The following EXPH5 variants were observed in gnomAD, a reference collection of about 807,000 sequenced individuals.
EXPH5 encodes the protein exophilin 5, also known as exophilin-5.
In EXPH5, 42 loss-of-function variants were observed where a neutral mutation model predicts 41.1. The observed-to-expected ratio is 1.02, with a 90% confidence interval of 0.80 to 1.32. The LOEUF is 1.32. Among genes scored for constraint, EXPH5 ranks in the 40% most tolerant of loss-of-function variants. EXPH5 has a pLI of 0.00. For synonymous variants in EXPH5, 798 were observed against 833.5 expected, an observed-to-expected ratio of 0.96 and a Z score of 0.73; for missense variants, 2,298 against 2,314.5, an observed-to-expected ratio of 0.99 and a Z score of 0.15.
At chr11:108,573,614 G>C (rs566885952) in intron 1 of EXPH5, among the ~76,000 whole-genome samples, 1 of 152,252 alleles carries the variant, frequency 6.6e-6, no homozygotes, top group East Asian at 1.9e-4. Flanking sequence ...GAATTATCAA[G>C]GGCCTCAGAA....
At chr11:108,540,093 G>A (rs998167105) in intron 2 of EXPH5, among the ~76,000 whole-genome samples, 77 of 152,162 alleles carry the variant, frequency 5.1e-4, no homozygotes, top group African/African-American at 1.4e-3. Context: ...TGAGGTGGGC[G>A]GTGCATCACC....
chr11:108,509,374 AGTGTCTATATAGG>A lies in EXPH5; in HGVS notation c.*150_*162del, dbSNP rs144338907. Reference sequence around the variant, plus strand: ...GAATTCATTGTTCTAGCATTCAGGAAGTGTCTATATAGGGTGTGGAGGAAAAAAAAGGAGATGT... The same window carrying A: ...GAATTCATTGTTCTAGCATTCAGGAAGTGTGGAGGAAAAAAAAGGAGATGT... On this transcript the variant is annotated 3_prime_UTR_variant, in exon 6 of 6. Coordinates refer to ENST00000265843, the MANE Select transcript of EXPH5 (RefSeq NM_015065.3). 2.2e-3 allele frequency: 1,099 copies of A among 501,128 alleles called. 7 individuals carry two copies. The highest frequency in any genetic ancestry group is 0.019 in the African/African-American group (994 of 51,114). 31.0% of individuals were successfully genotyped at this position (501,128 alleles called of 1,614,324 possible). A position where few individuals can be genotyped will look rare whatever the true frequency, so the allele number is the denominator to read the frequency against.
rs1251691176 is a variant in EXPH5, at chr11:108,508,561, AT to A, written c.*975del. The A allele has an allele frequency of 2.0e-5, 3 of 152,446 alleles. No individual in the cohort carries two copies. The highest frequency in any genetic ancestry group is 4.4e-5 in the Non-Finnish European group (3 of 68,240). 9.4% of individuals were successfully genotyped at this position (152,446 alleles called of 1,614,324 possible). ...AAAAAACAAAAACAAAAAAAAGAAA[AT>A]GTGAAAATGGATAGTTCTGAGGAAA... On this transcript the variant is annotated 3_prime_UTR_variant, in exon 6 of 6. Transcript: ENST00000265843.
intron 4 of EXPH5, among the ~76,000 whole-genome samples, chr11:108,519,006 T>C (rs563273433): frequency 1.7e-3 from 266 of 152,286 alleles, no homozygotes; most frequent in African/African-American, 6.2e-3. Context: ...TTTAGCATAA[T>C]ACCATCAAAA....
chr11:108,532,332 C>A (rs1471187255), intron 3 of EXPH5, among the ~76,000 whole-genome samples: 1 of 88,360 alleles, frequency 1.1e-5, no homozygotes, highest in Non-Finnish European at 2.2e-5. Context: ...TGTGCACCAC[C>A]ACACTGGATA....
At chr11:108,569,295 C>T (rs1392166629) in intron 1 of EXPH5, among the ~76,000 whole-genome samples, 1 of 150,444 alleles carries the variant, frequency 6.6e-6, no homozygotes, top group Non-Finnish European at 1.5e-5. Flanking sequence ...ACTATCTTAT[C>T]ATTCGTCACG....
chr11:108,545,229 C>T (rs192606331), intron 1 of EXPH5, among the ~76,000 whole-genome samples: 2 of 152,292 alleles, frequency 1.3e-5, no homozygotes, highest in Admixed American at 1.3e-4. Context: ...ACCTGGGCAA[C>T]ATGGTGAGAC....
At chr11:108,572,028 T>A (rs1346682301) in intron 1 of EXPH5, among the ~76,000 whole-genome samples, 1 of 147,622 alleles carries the variant, frequency 6.8e-6, no homozygotes. Context: ...CCAGCCTGGG[T>A]GACAGAGCGA....
intron 1 of EXPH5, among the ~76,000 whole-genome samples, chr11:108,562,802 AAAAC>A (rs962737925): frequency 7.9e-5 from 12 of 152,088 alleles, no homozygotes; most frequent in African/African-American, 2.9e-4. Flanking sequence ...GTCTCCATTT[AAAAC>A]AAACAAACAA....
At position 108,513,443 on chromosome 11, in the gene EXPH5, G is replaced by A. The variant is rs909659033; in HGVS notation, c.2064C>T (p.Ser688=). 8 of 1,613,260 alleles carry A rather than the reference G, an allele frequency of 5.0e-6. No homozygotes were observed. Among genetic ancestry groups the A allele is most frequent in the East Asian group, 2.2e-5 (1 of 44,890 alleles). ...NSVDSLPLAK[S]QPNILVTEVN... ...CTTCTGTGACCAAGATATTGGGCTGGCTTTTGGCAAGAGGCAGAGAGTCAA... is the reference window on the plus strand; with the variant it reads ...CTTCTGTGACCAAGATATTGGGCTGACTTTTGGCAAGAGGCAGAGAGTCAA... The change falls in exon 6 of 6, where the codon AGC becomes AGT. Residue 688 remains serine (S), a synonymous_variant. Transcript: ENST00000265843.
At chr11:108,604,137 C>A in the EXPH5 span, among the ~76,000 whole-genome samples, 1 of 150,398 alleles carries the variant, frequency 6.6e-6, no homozygotes, top group African/African-American at 2.4e-5. Context: ...GAGGCTCATG[C>A]CTATAATCTT....
At chr11:108,560,393 G>A (rs949235771) in intron 1 of EXPH5, among the ~76,000 whole-genome samples, 9 of 152,264 alleles carry the variant, frequency 5.9e-5, no homozygotes, top group Admixed American at 1.3e-4. Context: ...AAACAAACCC[G>A]CCTTACAAAG....
chr11:108,580,984 A>T (rs1042398573), intron 1 of EXPH5, among the ~76,000 whole-genome samples: 3 of 152,214 alleles, frequency 2.0e-5, no homozygotes, highest in Non-Finnish European at 4.4e-5. Flanking sequence ...TACTGTCTAC[A>T]GCACTGTGGG....
rs1243150148 is a variant in EXPH5, at chr11:108,506,292, C to T, written c.*3245G>A. 1 of 152,124 alleles carries T rather than the reference C, an allele frequency of 6.6e-6. No individual in the cohort carries two copies. The highest frequency in any genetic ancestry group is 1.5e-5 in the Non-Finnish European group (1 of 68,028). 9.4% of individuals were successfully genotyped at this position (152,124 alleles called of 1,614,324 possible). ...ATTTGCTATACTTCTTTAACAAGTG[C>T]TTTATAAAAGTATAAAATTATAAAA... On this transcript the variant is annotated 3_prime_UTR_variant, in exon 6 of 6. Transcript: ENST00000265843.
chr11:108,587,221 C>T (rs2094115877), intron 1 of EXPH5, among the ~76,000 whole-genome samples: 1 of 152,194 alleles, frequency 6.6e-6, no homozygotes, highest in African/African-American at 2.4e-5. Context: ...GTGCTGCACC[C>T]ATTAACTCGT....
intron 1 of EXPH5, among the ~76,000 whole-genome samples, chr11:108,571,224 G>A (rs1001297461): frequency 2.6e-5 from 4 of 152,162 alleles, no homozygotes; most frequent in Admixed American, 2.0e-4. Flanking sequence ...GATGGTAGAG[G>A]CAAAGCAATT....
chr11:108,575,063 G>C (rs2136106085), intron 1 of EXPH5, among the ~76,000 whole-genome samples: 1 of 152,300 alleles, frequency 6.6e-6, no homozygotes, highest in African/African-American at 2.4e-5. Context: ...GTGACCAGAA[G>C]CTTTCTGGAT....
rs529469293 is a variant in EXPH5 at position 108,583,680 on chromosome 11, T to TA, written c.119+9737dup. ...CTATTAAAAAAAATTAACAAAAAAA[T>TA]AAAAATAAAAAAGTCATCTACAAAA... On this transcript the variant is annotated intron_variant, in intron 1 of 5. Coordinates refer to ENST00000265843, the MANE Select transcript of EXPH5 (RefSeq NM_015065.3). 2.3e-3 allele frequency among the ~76,000 whole-genome samples: 334 copies of TA among 147,882 alleles called. 1 individual carries two copies. The highest frequency in any genetic ancestry group is 8.4e-3 in the African/African-American group (321 of 38,304).
intron 1 of EXPH5, among the ~76,000 whole-genome samples, chr11:108,542,763 G>A (rs969149137): frequency 2.0e-5 from 3 of 152,114 alleles, no homozygotes; most frequent in Non-Finnish European, 4.4e-5. Flanking sequence ...CTGTCACCCA[G>A]GCTGGAGCGC....
Sources: gnomAD v4.1 joint callset for allele counts (sites outside exome capture counted in the v4.1 genomes callset) on GRCh38, gnomAD v4.1.1 for gene constraint, MANE v1.5 for transcripts, NCBI Gene and HGNC (gene_info 2026-07-23, HGNC 2026-07-21) for gene names.